ARHGAP6: variants seen among roughly 807,000 people sequenced by gnomAD.
ARHGAP6 encodes Rho GTPase activating protein 6.
Under a neutral mutation model 55.7 loss-of-function variants are expected in ARHGAP6, and 16 were observed. The observed-to-expected ratio is 0.29, with a 90% confidence interval of 0.19 to 0.44. ARHGAP6 has a LOEUF of 0.44. Ranked by LOEUF, ARHGAP6 falls within the 20% of genes least tolerant of loss-of-function variation. The probability of loss-of-function intolerance (pLI) is 1.00; values close to 1 mark genes in which losing one functional copy is unlikely to be tolerated. For synonymous variants in ARHGAP6, 382 were observed against 360.9 expected, an observed-to-expected ratio of 1.06 and a Z score of -0.66; for missense variants, 698 against 808.9, an observed-to-expected ratio of 0.86 and a Z score of 1.66.
intron 8 of ARHGAP6, among the ~76,000 whole-genome samples, chrX:11,173,989 A>G (rs944616048): frequency 2.7e-5 from 3 of 112,122 alleles, no homozygotes; most frequent in Admixed American, 1.9e-4. Flanking sequence ...TAGATAATAC[A>G]TACTAAAAAA....
chrX:11,177,249 G>A (rs190204514), intron 8 of ARHGAP6, among the ~76,000 whole-genome samples: 1 of 109,476 alleles, frequency 9.1e-6, no homozygotes, highest in Non-Finnish European at 1.9e-5. Context: ...TTGCCCATAA[G>A]TAAGCAACTT....
chrX:11,608,409 G>A (rs751797949), intron 1 of ARHGAP6, among the ~76,000 whole-genome samples: 36 of 111,430 alleles, frequency 3.2e-4, no homozygotes, highest in Admixed American at 2.7e-3. Context: ...TCTGACAACC[G>A]AAAAATCTGT....
chrX:11,573,729 A>G (rs1266750933), intron 1 of ARHGAP6, among the ~76,000 whole-genome samples: 1 of 110,600 alleles, frequency 9.0e-6, no homozygotes, highest in Non-Finnish European at 1.9e-5. Flanking sequence ...GAAGAAAGGC[A>G]TTGGTAGCTT....
At chrX:11,578,780 C>A (rs2051631588) in intron 1 of ARHGAP6, among the ~76,000 whole-genome samples, 1 of 111,388 alleles carries the variant, frequency 9.0e-6, no homozygotes, top group Non-Finnish European at 1.9e-5. Context: ...GGAACCAACC[C>A]AAATGTCCAT....
At chrX:11,267,042 C>T (rs1024072839) in intron 1 of ARHGAP6, among the ~76,000 whole-genome samples, 31 of 111,740 alleles carry the variant, frequency 2.8e-4, no homozygotes, top group Non-Finnish European at 5.3e-4. Flanking sequence ...CATACCTCCA[C>T]CACCACTATC....
intron 1 of ARHGAP6, among the ~76,000 whole-genome samples, chrX:11,488,424 T>C (rs965999595): frequency 3.6e-5 from 4 of 112,080 alleles, no homozygotes; most frequent in Non-Finnish European, 7.5e-5. Context: ...TTTAAATTTA[T>C]TTAAAGTATC....
intron 1 of ARHGAP6, among the ~76,000 whole-genome samples, chrX:11,522,357 C>G (rs761454811): frequency 1.6e-4 from 18 of 110,996 alleles, no homozygotes; most frequent in African/African-American, 5.9e-4. Context: ...CATTCAAAAG[C>G]TAGCAGAAGG....
intron 10 of ARHGAP6, among the ~76,000 whole-genome samples, chrX:11,147,236 CACATAT>C (rs2147271925): frequency 8.9e-6 from 1 of 111,882 alleles, no homozygotes; most frequent in African/African-American, 3.2e-5. Flanking sequence ...AACATATGCA[CACATAT>C]ACATATTCAT....
chrX:11,660,617 T>C (rs2052692068), intron 1 of ARHGAP6, among the ~76,000 whole-genome samples: 1 of 103,202 alleles, frequency 9.7e-6, no homozygotes, highest in African/African-American at 3.5e-5. Context: ...CGGTCAGGCT[T>C]TTATTACATG....
At chrX:11,342,725 A>G (rs1039182975) in intron 1 of ARHGAP6, among the ~76,000 whole-genome samples, 5 of 112,400 alleles carry the variant, frequency 4.4e-5, no homozygotes, top group African/African-American at 1.6e-4. Context: ...CTAACTTTAT[A>G]CTAGTTTAAG....
intron 1 of ARHGAP6, among the ~76,000 whole-genome samples, chrX:11,463,235 T>C (rs1399339905): frequency 9.0e-6 from 1 of 111,595 alleles, no homozygotes; most frequent in Admixed American, 9.5e-5. Context: ...CTGGAAAAGG[T>C]GTGGGTGGGG....
intron 1 of ARHGAP6, among the ~76,000 whole-genome samples, chrX:11,277,944 T>G (rs1009143146): frequency 3.6e-5 from 4 of 111,540 alleles, no homozygotes; most frequent in African/African-American, 1.3e-4. Flanking sequence ...CTTTAATTAC[T>G]CTTGTCCTCT....
chrX:11,287,561 A>G (rs1262420006), intron 1 of ARHGAP6, among the ~76,000 whole-genome samples: 2 of 112,253 alleles, frequency 1.8e-5, no homozygotes. Context: ...TTGCCACTGC[A>G]GAGGGGACAC....
chrX:11,595,726 A>T (rs2051893744), intron 1 of ARHGAP6, among the ~76,000 whole-genome samples: 1 of 112,297 alleles, frequency 8.9e-6, no homozygotes, highest in Non-Finnish European at 1.9e-5. Flanking sequence ...AAACAATTTT[A>T]CAAGGGGAAA....
At chrX:11,147,893 G>C (rs2045720293) in intron 10 of ARHGAP6, among the ~76,000 whole-genome samples, 1 of 112,204 alleles carries the variant, frequency 8.9e-6, no homozygotes, top group Non-Finnish European at 1.9e-5. Context: ...TACCTTTCAG[G>C]CTACAACTGT....
intron 1 of ARHGAP6, chrX:11,351,524 G>A: frequency 1.1e-6 from 1 of 909,653 alleles, no homozygotes; most frequent in South Asian, 2.6e-5. Context: ...GGCGTTGGAA[G>A]TGATTAGAGT....
intron 1 of ARHGAP6, among the ~76,000 whole-genome samples, chrX:11,301,560 G>A (rs182173933): frequency 2.7e-5 from 3 of 111,495 alleles, no homozygotes; most frequent in African/African-American, 9.8e-5. Context: ...ATCATTTTCT[G>A]GAATGAATAA....
intron 1 of ARHGAP6, among the ~76,000 whole-genome samples, chrX:11,578,206 TC>T (rs1300431297): frequency 9.0e-6 from 1 of 111,349 alleles, no homozygotes; most frequent in Non-Finnish European, 1.9e-5. Flanking sequence ...GGAATGGGCA[TC>T]CCCCACCCTC....
chrX:11,356,330 G>A (rs2048930944), intron 1 of ARHGAP6, among the ~76,000 whole-genome samples: 1 of 111,144 alleles, frequency 9.0e-6, no homozygotes, highest in Non-Finnish European at 1.9e-5. Context: ...TTAAAACCTA[G>A]ATGACAGGTT....
Sources: allele counts gnomAD v4.1 joint callset (sites outside exome capture counted in the v4.1 genomes callset), GRCh38; gene constraint gnomAD v4.1.1; transcripts MANE v1.5; gene names NCBI Gene and HGNC (gene_info 2026-07-23, HGNC 2026-07-21).